FAM83B: variants seen among roughly 807,000 people sequenced by gnomAD.
FAM83B encodes protein FAM83B.
FAM83B carries 26 observed loss-of-function variants against 38.8 expected under a neutral mutation model. The observed-to-expected ratio is 0.67, with a 90% CI of 0.49 to 0.93. The LOEUF (loss-of-function observed/expected upper bound fraction) is 0.93. Among genes scored for constraint, FAM83B ranks in the 40% least tolerant of loss-of-function variants. The pLI, the probability that FAM83B is intolerant of heterozygous loss-of-function variation, is 0.00. For synonymous variants in FAM83B, 419 were observed against 423.1 expected (o/e 0.99, Z 0.12); for missense variants, 1,237 against 1,197.3 (o/e 1.03, Z -0.49).
At chr6:54,850,031 A>G (rs947407651) in intron 1 of FAM83B, among the ~76,000 whole-genome samples, 2 of 152,210 alleles carry the variant, frequency 1.3e-5, no homozygotes, top group African/African-American at 4.8e-5. Context: ...GCCAAGCAAT[A>G]TGTTCCTCTC....
chr6:54,895,485 T>G (rs1772506411), intron 2 of FAM83B, among the ~76,000 whole-genome samples: 1 of 152,248 alleles, frequency 6.6e-6, no homozygotes, highest in African/African-American at 2.4e-5. Context: ...TTAAACTTTT[T>G]AAGCAGTATC....
chr6:54,893,282 G>A (rs1483124234), intron 2 of FAM83B, among the ~76,000 whole-genome samples: 1 of 152,086 alleles, frequency 6.6e-6, no homozygotes, highest in Admixed American at 6.6e-5. Flanking sequence ...GTCTCTATTA[G>A]TAAGATAATA....
At chr6:54,919,474 A>T (rs1326313857) in intron 2 of FAM83B, among the ~76,000 whole-genome samples, 1 of 152,072 alleles carries the variant, frequency 6.6e-6, no homozygotes, top group Non-Finnish European at 1.5e-5. Context: ...TTTCCAATTG[A>T]CTTTTATTAA....
intron 2 of FAM83B, among the ~76,000 whole-genome samples, chr6:54,873,737 T>G (rs1384326918): frequency 6.7e-6 from 1 of 150,252 alleles, no homozygotes. Flanking sequence ...AATCTTTTGG[T>G]AATAAACACT....
chr6:54,927,751 AAAAG>A lies in FAM83B; in HGVS notation c.734+121_734+124del, dbSNP rs1304254245. 4.5e-4 allele frequency: 393 copies of A among 880,080 alleles called. 1 individual carries two copies. Among genetic ancestry groups the A allele is most frequent in the Admixed American group, 1.2e-3 (36 of 29,658 alleles). The allele number at this position is 880,080 out of a possible 1,614,324, so 54.5% of individuals were successfully genotyped here. A position where few individuals can be genotyped will look rare whatever the true frequency, so the allele number is the denominator to read the frequency against. ...AGTAAAAAAAAAAAAAAAAAAAAAAAAAAGAGAACACTTGCATGGAGATTAGAGA... is the reference window on the plus strand; with the variant it reads ...AGTAAAAAAAAAAAAAAAAAAAAAAAAGAACACTTGCATGGAGATTAGAGA... On this transcript the variant is annotated intron_variant, in intron 4 of 4. Coordinates refer to ENST00000306858, the MANE Select transcript of FAM83B (RefSeq NM_001010872.3).
intron 2 of FAM83B, among the ~76,000 whole-genome samples, chr6:54,897,227 T>TAAAAA (rs368282962): frequency 5.5e-4 from 79 of 144,104 alleles, no homozygotes; most frequent in African/African-American, 9.9e-4. Flanking sequence ...TGTTGTGATC[T>TAAAAA]AAAAAAAAAA....
chr6:54,906,052 C>CG (rs1448320401), intron 2 of FAM83B, among the ~76,000 whole-genome samples: 10 of 124,772 alleles, frequency 8.0e-5, no homozygotes, highest in African/African-American at 3.8e-4. Context: ...ACCTACTATT[C>CG]GAAAAAAAAA....
chr6:54,859,772 A>T (rs1771532920), intron 1 of FAM83B, among the ~76,000 whole-genome samples: 1 of 152,116 alleles, frequency 6.6e-6, no homozygotes, highest in African/African-American at 2.4e-5. Context: ...TAGTTTGGAT[A>T]TTCTGTACTT....
chr6:54,936,185 T>C (rs1773519941), intron 4 of FAM83B, among the ~76,000 whole-genome samples: 2 of 152,174 alleles, frequency 1.3e-5, no homozygotes, highest in African/African-American at 2.4e-5. Flanking sequence ...ATATATTCAA[T>C]GAATGTCTTC....
chr6:54,927,234 G>T (rs1773314367), intron 3 of FAM83B, among the ~76,000 whole-genome samples: 1 of 151,792 alleles, frequency 6.6e-6, no homozygotes, highest in Non-Finnish European at 1.5e-5. Context: ...TATCATCAAG[G>T]CATTATAACC....
upstream of FAM83B, among the ~76,000 whole-genome samples, chr6:54,846,475 C>T (rs1008314002): frequency 2.0e-5 from 3 of 152,226 alleles, no homozygotes; most frequent in Non-Finnish European, 2.9e-5. Context: ...CTTGTAATTG[C>T]CCCGTAGCCC....
At chr6:54,934,112 G>C (rs62416516) in intron 4 of FAM83B, among the ~76,000 whole-genome samples, 2 of 152,150 alleles carry the variant, frequency 1.3e-5, no homozygotes, top group Middle Eastern at 3.4e-3. Context: ...GTCTCTATGG[G>C]GTACGTAGGG....
chr6:54,927,857 GA>G (rs1773338228), intron 4 of FAM83B, among the ~76,000 whole-genome samples: 1 of 151,216 alleles, frequency 6.6e-6, no homozygotes, highest in East Asian at 2.0e-4. Context: ...TTGAGCTTCA[GA>G]TTGTTCATCC....
chr6:54,847,709 A>G (rs760197533), intron 1 of FAM83B, among the ~76,000 whole-genome samples: 8 of 152,132 alleles, frequency 5.3e-5, no homozygotes, highest in Non-Finnish European at 7.3e-5. Flanking sequence ...TAAAGAGACA[A>G]CAGCGCTTTC....
chr6:54,890,992 G>C (rs9464158), intron 2 of FAM83B, among the ~76,000 whole-genome samples: 4 of 151,624 alleles, frequency 2.6e-5, no homozygotes, highest in African/African-American at 9.7e-5. Context: ...AGCCTCCTGC[G>C]ATTCCATTTA....
intron 2 of FAM83B, among the ~76,000 whole-genome samples, chr6:54,912,523 A>G (rs749163839): frequency 2.2e-4 from 33 of 151,508 alleles, no homozygotes; most frequent in Non-Finnish European, 4.1e-4. Flanking sequence ...TCTACATCTT[A>G]CAGCCCAATT....
intron 2 of FAM83B, among the ~76,000 whole-genome samples, chr6:54,884,414 G>A (rs1330378589): frequency 4.6e-5 from 7 of 150,576 alleles, no homozygotes; most frequent in Non-Finnish European, 8.9e-5. Context: ...CCTGGGGGGC[G>A]GAGGTTGTAG....
At chr6:54,888,009 CT>C (rs1273783206) in intron 2 of FAM83B, among the ~76,000 whole-genome samples, 4,338 of 144,372 alleles carry the variant, frequency 0.03, 184 homozygotes, top group African/African-American at 0.1. Context: ...TTCTTTATTC[CT>C]TTTTTTGTTT....
chr6:54,925,413 C>A (rs1773266332), intron 2 of FAM83B, among the ~76,000 whole-genome samples: 1 of 152,088 alleles, frequency 6.6e-6, no homozygotes, highest in Admixed American at 6.6e-5. Flanking sequence ...AATAAATATG[C>A]CTGGCACATA....
Sources: allele counts gnomAD v4.1 joint callset (sites outside exome capture counted in the v4.1 genomes callset), GRCh38; gene constraint gnomAD v4.1.1; transcripts MANE v1.5; gene names NCBI Gene and HGNC (gene_info 2026-07-23, HGNC 2026-07-21).